The following PRKG1 variants were observed in gnomAD, a reference collection of about 807,000 sequenced individuals.
PRKG1 encodes protein kinase cGMP-dependent 1.
PRKG1 carries 35 observed loss-of-function variants against 88.1 expected under a neutral mutation model. The ratio of observed to expected loss-of-function variants is 0.40; its 90% CI spans 0.30 to 0.53. The LOEUF (loss-of-function observed/expected upper bound fraction) is 0.53, where lower values mean the gene tolerates loss of function less well. Among genes scored for constraint, PRKG1 ranks in the 20% least tolerant of loss-of-function variants. The pLI, the probability that PRKG1 is intolerant of heterozygous loss-of-function variation, is 0.59. For synonymous variants in PRKG1, 303 were observed against 292.5 expected, an observed-to-expected ratio of 1.04 and a Z score of -0.37; for missense variants, 540 against 839.8, an observed-to-expected ratio of 0.64 and a Z score of 4.41.
chr10:51,699,048 G>C, intron 3 of PRKG1: 1 of 1,614,242 alleles, frequency 6.2e-7, no homozygotes, highest in Non-Finnish European at 8.5e-7. Context: ...GCATAAGCCA[G>C]TTGTGGATTT....
chr10:52,143,937 T>C (rs1342815355), intron 8 of PRKG1, among the ~76,000 whole-genome samples: 1 of 152,188 alleles, frequency 6.6e-6, no homozygotes, highest in East Asian at 1.9e-4. Context: ...TTGGATTAAC[T>C]CTTGGTCCAA....
intron 2 of PRKG1, among the ~76,000 whole-genome samples, chr10:51,390,885 G>A (rs1024270039): frequency 6.6e-6 from 1 of 151,606 alleles, no homozygotes; most frequent in Non-Finnish European, 1.5e-5. Flanking sequence ...ATCCAACAAT[G>A]CACAGGAAAT....
intron 3 of PRKG1, among the ~76,000 whole-genome samples, chr10:51,761,087 C>G (rs974268469): frequency 4.6e-5 from 7 of 152,310 alleles, no homozygotes; most frequent in African/African-American, 1.7e-4. Flanking sequence ...ACACTCCAGT[C>G]TGGGTTATAG....
intron 5 of PRKG1, among the ~76,000 whole-genome samples, chr10:51,954,929 A>T (rs951846828): frequency 6.6e-6 from 1 of 152,150 alleles, no homozygotes; most frequent in Non-Finnish European, 1.5e-5. Flanking sequence ...ACATTTTGCT[A>T]TCTTTTATTG....
intron 3 of PRKG1, among the ~76,000 whole-genome samples, chr10:51,710,603 A>C (rs1035502443): frequency 6.6e-6 from 1 of 152,256 alleles, no homozygotes; most frequent in African/African-American, 2.4e-5. Context: ...TCACGACCAG[A>C]GTTCTTAAAC....
chr10:51,208,376 G>T (rs1488456583), intron 2 of PRKG1, among the ~76,000 whole-genome samples: 4 of 152,190 alleles, frequency 2.6e-5, no homozygotes, highest in Non-Finnish European at 5.9e-5. Context: ...TACTAAGGAA[G>T]TTCAGGTTCT....
chr10:51,741,967 T>C (rs1433883622), intron 3 of PRKG1, among the ~76,000 whole-genome samples: 1 of 152,200 alleles, frequency 6.6e-6, no homozygotes, highest in Non-Finnish European at 1.5e-5. Flanking sequence ...AATAAACATG[T>C]CTCCCTAAAG....
chr10:51,940,621 A>G (rs1299635127), intron 5 of PRKG1, among the ~76,000 whole-genome samples: 1 of 151,892 alleles, frequency 6.6e-6, no homozygotes, highest in Non-Finnish European at 1.5e-5. Flanking sequence ...GATCCCAGAC[A>G]TCAAGCTTTA....
At chr10:51,879,634 T>G (rs530868122) in intron 4 of PRKG1, among the ~76,000 whole-genome samples, 40 of 152,326 alleles carry the variant, frequency 2.6e-4, no homozygotes, top group African/African-American at 9.6e-4. Flanking sequence ...GTCCATGACT[T>G]TAAACCTGCC....
intron 2 of PRKG1, among the ~76,000 whole-genome samples, chr10:51,384,759 CTTTCT>C: frequency 6.6e-6 from 1 of 152,194 alleles, no homozygotes; most frequent in South Asian, 2.1e-4. Context: ...CCTATTTAGA[CTTTCT>C]TTGAGGGCAA....
chr10:51,419,597 A>G (rs976535556), intron 2 of PRKG1, among the ~76,000 whole-genome samples: 5 of 152,148 alleles, frequency 3.3e-5, no homozygotes, highest in African/African-American at 1.2e-4. Flanking sequence ...CAGATGACAA[A>G]GGAACATTAA....
At chr10:51,167,600 G>A (rs1159494356) in intron 2 of PRKG1, among the ~76,000 whole-genome samples, 1 of 152,200 alleles carries the variant, frequency 6.6e-6, no homozygotes, top group African/African-American at 2.4e-5. Flanking sequence ...CACTTGGGAA[G>A]CCATAGCAGT....
At chr10:51,439,282 A>T (rs901399198) in intron 2 of PRKG1, among the ~76,000 whole-genome samples, 25 of 151,926 alleles carry the variant, frequency 1.6e-4, no homozygotes, top group African/African-American at 5.5e-4. Flanking sequence ...TCTTCATCAG[A>T]TTTGGATAAT....
intron 2 of PRKG1, among the ~76,000 whole-genome samples, chr10:51,393,151 C>T (rs1837480072): frequency 1.4e-5 from 2 of 145,612 alleles, no homozygotes; most frequent in South Asian, 2.2e-4. Flanking sequence ...ACGGGGCGGC[C>T]GGGCAGAGAC....
At chr10:51,267,497 C>A (rs374270017) in intron 2 of PRKG1, among the ~76,000 whole-genome samples, 1 of 152,090 alleles carries the variant, frequency 6.6e-6, no homozygotes, top group African/African-American at 2.4e-5. Context: ...TCTTCTTTGA[C>A]GGTTTATTTC....
At chr10:52,062,737 C>A in intron 7 of PRKG1, 106 bp downstream of exon 7, 1 of 805,254 alleles carries the variant, frequency 1.2e-6, no homozygotes, top group Non-Finnish European at 2.2e-6. Context: ...GTGCTTATCT[C>A]AATATCAAAT....
At chr10:51,341,060 T>C (rs1041654361) in intron 2 of PRKG1, among the ~76,000 whole-genome samples, 1 of 152,148 alleles carries the variant, frequency 6.6e-6, no homozygotes, top group Non-Finnish European at 1.5e-5. Flanking sequence ...CAGACTGATT[T>C]CCATAAAATA....
rs576082059 is a variant in PRKG1, at chr10:51,564,173, T to G, written c.592+96337T>G. 3.3e-5 allele frequency among the ~76,000 whole-genome samples: 5 copies of G among 152,210 alleles called. No homozygotes were observed. The East Asian group carries it at 9.7e-4, about 29-fold the overall frequency. The stretch of plus-strand genomic sequence containing the variant: ...CATACCTACTACGTGCTGGGTACTT[T>G]TTTATGTACTAAGGAGACAGTAATG... On this transcript the variant is annotated intron_variant, in intron 3 of 17. Transcript: ENST00000373980.
At chr10:51,525,200 G>A (rs1421164685) in intron 3 of PRKG1, among the ~76,000 whole-genome samples, 2 of 150,704 alleles carry the variant, frequency 1.3e-5, no homozygotes, top group Non-Finnish European at 3.0e-5. Flanking sequence ...GTAGGAGGAG[G>A]AAGAGAAGAA....
Sources: gnomAD v4.1 joint callset for allele counts (sites outside exome capture counted in the v4.1 genomes callset) on GRCh38, gnomAD v4.1.1 for gene constraint, MANE v1.5 for transcripts, NCBI Gene and HGNC (gene_info 2026-07-23, HGNC 2026-07-21) for gene names.